RHBDD1: variants seen among roughly 807,000 people sequenced by gnomAD.
RHBDD1 encodes rhomboid domain containing 1.
Under a neutral mutation model 36.3 loss-of-function variants are expected in RHBDD1, and 38 were observed. That is an observed-to-expected ratio of 1.05 (90% CI 0.81 to 1.37). RHBDD1 has a LOEUF of 1.37. RHBDD1 is among the 40% of genes most tolerant of loss of function. RHBDD1 has a pLI of 0.00. For synonymous variants in RHBDD1, 151 were observed against 136.5 expected (o/e 1.11, Z -0.74); for missense variants, 393 against 377.6 (o/e 1.04, Z -0.34).
At chr2:226,849,511 T>C (rs1308163780) in intron 3 of RHBDD1, among the ~76,000 whole-genome samples, 4 of 152,320 alleles carry the variant, frequency 2.6e-5, no homozygotes, top group Admixed American at 6.5e-5. Context: ...ATGGTAGCAT[T>C]GCCCTCAGGC....
At chr2:226,973,046 CCTGAGTTTGG>C (rs1953888420) in intron 8 of RHBDD1, among the ~76,000 whole-genome samples, 1 of 152,070 alleles carries the variant, frequency 6.6e-6, no homozygotes, top group South Asian at 2.1e-4. Context: ...CAGAGCCCTA[CCTGAGTTTGG>C]GTTGTGCCCT....
intron 8 of RHBDD1, among the ~76,000 whole-genome samples, chr2:226,986,145 A>G (rs1022587477): frequency 6.6e-6 from 1 of 152,232 alleles, no homozygotes; most frequent in Non-Finnish European, 1.5e-5. Flanking sequence ...ATTCTTCACG[A>G]TATCTGTCTG....
chr2:226,916,455 A>G (rs1043492949), intron 8 of RHBDD1, among the ~76,000 whole-genome samples: 3 of 152,170 alleles, frequency 2.0e-5, no homozygotes, highest in Non-Finnish European at 4.4e-5. Flanking sequence ...CCACTGGGCT[A>G]TCCATGAAAT....
At chr2:226,816,860 C>T in the RHBDD1 span, among the ~76,000 whole-genome samples, 3 of 139,534 alleles carry the variant, frequency 2.2e-5, no homozygotes, top group Admixed American at 7.1e-5. Context: ...AGCACCACTG[C>T]GCCAGCCTTG....
upstream of RHBDD1, among the ~76,000 whole-genome samples, chr2:226,832,677 C>T (rs1940771292): frequency 6.6e-6 from 1 of 152,228 alleles, no homozygotes; most frequent in Non-Finnish European, 1.5e-5. Context: ...GTTATATCTT[C>T]TCAATGTATT....
chr2:226,929,004 A>G (rs918140443), intron 8 of RHBDD1, among the ~76,000 whole-genome samples: 1 of 152,046 alleles, frequency 6.6e-6, no homozygotes, highest in African/African-American at 2.4e-5. Flanking sequence ...GATTGAATCC[A>G]TAATTTTTTA....
intron 8 of RHBDD1, among the ~76,000 whole-genome samples, chr2:226,920,039 CTTT>C (rs1384421920): frequency 1.3e-5 from 2 of 151,708 alleles, no homozygotes; most frequent in Non-Finnish European, 2.9e-5. Context: ...TCTTTGACTT[CTTT>C]GATTAAGTTA....
At chr2:226,838,374 TCC>T (rs2124922344) in intron 2 of RHBDD1, among the ~76,000 whole-genome samples, 1 of 152,326 alleles carries the variant, frequency 6.6e-6, no homozygotes, top group African/African-American at 2.4e-5. Flanking sequence ...TTTTTTGTTC[TCC>T]TCATCGGAGA....
At chr2:226,968,111 A>G (rs1398363394) in intron 8 of RHBDD1, among the ~76,000 whole-genome samples, 1 of 152,202 alleles carries the variant, frequency 6.6e-6, no homozygotes, top group Non-Finnish European at 1.5e-5. Flanking sequence ...GTAGTTTACA[A>G]AGATAGGAGA....
intron 8 of RHBDD1, among the ~76,000 whole-genome samples, chr2:226,934,107 T>C (rs1349344275): frequency 6.6e-6 from 1 of 152,134 alleles, no homozygotes; most frequent in Non-Finnish European, 1.5e-5. Context: ...TTACATAATG[T>C]TTCGCTCAGC....
At chr2:226,902,897 G>A (rs888756830) in intron 5 of RHBDD1, among the ~76,000 whole-genome samples, 1 of 152,124 alleles carries the variant, frequency 6.6e-6, no homozygotes, top group Non-Finnish European at 1.5e-5. Context: ...TCACTGTATT[G>A]TACTCTAAAT....
At chr2:226,826,783 G>A in the RHBDD1 span, among the ~76,000 whole-genome samples, 2 of 151,788 alleles carry the variant, frequency 1.3e-5, no homozygotes, top group African/African-American at 4.8e-5. Context: ...GCCTCCCACA[G>A]TGCTGGGATT....
At chr2:226,926,025 G>C (rs1245225737) in intron 8 of RHBDD1, among the ~76,000 whole-genome samples, 1 of 152,076 alleles carries the variant, frequency 6.6e-6, no homozygotes, top group Admixed American at 6.6e-5. Flanking sequence ...TGAACCCTCT[G>C]ACAGGTTGGA....
chr2:226,943,247 C>T (rs1202384470), intron 8 of RHBDD1, among the ~76,000 whole-genome samples: 1 of 152,244 alleles, frequency 6.6e-6, no homozygotes, highest in East Asian at 1.9e-4. Context: ...TAATAGATAC[C>T]TGGCCCAAAT....
chr2:226,974,225 TTTTTA>T (rs145186235), intron 8 of RHBDD1, among the ~76,000 whole-genome samples: 10 of 148,142 alleles, frequency 6.8e-5, no homozygotes, highest in East Asian at 2.0e-4. Flanking sequence ...TGTTGCCCTT[TTTTTA>T]TTTTATTTTA....
At chr2:226,880,807 C>A (rs1294819213) in intron 5 of RHBDD1, among the ~76,000 whole-genome samples, 5 of 152,172 alleles carry the variant, frequency 3.3e-5, no homozygotes, top group Admixed American at 2.0e-4. Flanking sequence ...GGTTGAATTA[C>A]ATAAATAAGC....
At chr2:226,821,316 T>TTCTG in the RHBDD1 span, among the ~76,000 whole-genome samples, 1 of 152,098 alleles carries the variant, frequency 6.6e-6, no homozygotes, top group Non-Finnish European at 1.5e-5. Flanking sequence ...TACTGGCTTT[T>TTCTG]TTTGTTTGTT....
intron 5 of RHBDD1, among the ~76,000 whole-genome samples, chr2:226,878,233 T>TA (rs1405062176): frequency 5.3e-5 from 8 of 151,136 alleles, no homozygotes; most frequent in African/African-American, 1.7e-4. Context: ...AGCAGTAGAA[T>TA]ATGTACAATT....
intron 8 of RHBDD1, among the ~76,000 whole-genome samples, chr2:226,988,994 A>G (rs1575540585): frequency 6.6e-6 from 1 of 152,362 alleles, no homozygotes; most frequent in South Asian, 2.1e-4. Flanking sequence ...CCTGTCTCCA[A>G]GTCGTAATTG....
Sources: gnomAD v4.1 joint callset for allele counts (sites outside exome capture counted in the v4.1 genomes callset) on GRCh38, gnomAD v4.1.1 for gene constraint, MANE v1.5 for transcripts, NCBI Gene and HGNC (gene_info 2026-07-23, HGNC 2026-07-21) for gene names.